SSU72: variants seen among roughly 807,000 people sequenced by gnomAD.
SSU72 encodes SSU72 homolog, RNA polymerase II CTD phosphatase.
Under a neutral mutation model 22.7 loss-of-function variants are expected in SSU72, and 12 were observed. The observed-to-expected ratio is 0.53, with a 90% CI of 0.34 to 0.86. The LOEUF (loss-of-function observed/expected upper bound fraction) is 0.86. SSU72 is among the 40% of genes least tolerant of loss of function. The pLI, the probability that SSU72 is intolerant of heterozygous loss-of-function variation, is 0.02. For synonymous variants in SSU72, 116 were observed against 98.3 expected (o/e 1.18, Z -1.06); for missense variants, 151 against 249.8 (o/e 0.60, Z 2.67).
chr1:1,573,429 C>CAAAAAAAAAAAAAAAAAAAAAAA (rs56930035), intron 1 of SSU72, among the ~76,000 whole-genome samples: 1 of 107,452 alleles, frequency 9.3e-6, no homozygotes. Flanking sequence ...GACTCTGTCT[C>CAAAAAAAAAAAAAAAAAAAAAAA]AAAAAAAAAA....
rs542222222 is a variant in SSU72, at chr1:1,559,183, C to T, written c.224+5590G>A. ...TAGAAATAGTTCCACGCATGCTCAG[C>T]GAAAGAACAAAAGGCTGCATATGAA... is the stretch of plus-strand genomic sequence containing the variant. On this transcript the variant is annotated intron_variant, in intron 2 of 4. Coordinates refer to ENST00000291386, the MANE Select transcript of SSU72 (RefSeq NM_014188.3). 3.0e-4 allele frequency among the ~76,000 whole-genome samples: 46 copies of T among 152,254 alleles called. No homozygotes were observed. In the South Asian group the frequency reaches 6.0e-3, roughly 20 times the overall value.
chr1:1,562,363 G>A (rs749584571), intron 2 of SSU72: 1 of 152,288 alleles, frequency 6.6e-6, no homozygotes, highest in Non-Finnish European at 1.5e-5. Context: ...ATGGCACAGA[G>A]TTTAATGTGA....
At chr1:1,558,357 C>T (rs982230107) in intron 2 of SSU72, among the ~76,000 whole-genome samples, 8 of 152,096 alleles carry the variant, frequency 5.3e-5, no homozygotes, top group Non-Finnish European at 1.0e-4. Flanking sequence ...GACAGAGAGA[C>T]GCCCTGTCTC....
intron 2 of SSU72, among the ~76,000 whole-genome samples, chr1:1,550,072 C>T (rs1433343307): frequency 3.4e-5 from 5 of 147,852 alleles, no homozygotes; most frequent in East Asian, 4.0e-4. Context: ...CAGCCTCCTC[C>T]GGAGGCAGAG....
chr1:1,568,573 T>A (rs1278784608), intron 1 of SSU72, among the ~76,000 whole-genome samples: 1 of 151,602 alleles, frequency 6.6e-6, no homozygotes, highest in Non-Finnish European at 1.5e-5. Flanking sequence ...GCCACTGCAC[T>A]CCCGCCTGGG....
intron 1 of SSU72, among the ~76,000 whole-genome samples, chr1:1,573,118 G>A (rs1028208570): frequency 4.7e-5 from 7 of 148,072 alleles, no homozygotes; most frequent in South Asian, 2.2e-4. Context: ...GTGAAGCTCC[G>A]TCTCTACTAA....
chr1:1,566,055 C>G (rs1426573063), intron 1 of SSU72, among the ~76,000 whole-genome samples: 4 of 151,418 alleles, frequency 2.6e-5, no homozygotes, highest in African/African-American at 9.7e-5. Context: ...CTGGGAGTTT[C>G]AGACTAGCCT....
At chr1:1,567,393 G>A (rs1353596488) in intron 1 of SSU72, among the ~76,000 whole-genome samples, 4 of 152,174 alleles carry the variant, frequency 2.6e-5, no homozygotes, top group Non-Finnish European at 5.9e-5. Context: ...TGGCACAATA[G>A]CAGCGATTCA....
intron 1 of SSU72, among the ~76,000 whole-genome samples, chr1:1,567,334 A>G (rs1319201041): frequency 6.6e-6 from 1 of 152,144 alleles, no homozygotes; most frequent in East Asian, 1.9e-4. Context: ...AGATATTCCG[A>G]GCTACACAAC....
At chr1:1,574,021 C>CA (rs71578327) in intron 1 of SSU72, among the ~76,000 whole-genome samples, 180 of 87,572 alleles carry the variant, frequency 2.1e-3, no homozygotes, top group Middle Eastern at 0.01. Flanking sequence ...GGATCTTTCG[C>CA]AAAAAAAAAA....
At chr1:1,555,593 C>A (rs928159710) in intron 2 of SSU72, among the ~76,000 whole-genome samples, 1 of 152,238 alleles carries the variant, frequency 6.6e-6, no homozygotes, top group Admixed American at 6.5e-5. Context: ...GCAGGTGACA[C>A]CGACACGGCT....
At chr1:1,574,149 C>G (rs557919681) in intron 1 of SSU72, among the ~76,000 whole-genome samples, 18 of 152,114 alleles carry the variant, frequency 1.2e-4, no homozygotes, top group Non-Finnish European at 2.2e-4. Flanking sequence ...GGGAAGGTGG[C>G]CAACGACGCA....
chr1:1,546,862 A>AT (rs796813025), intron 2 of SSU72, among the ~76,000 whole-genome samples: 1 of 90,120 alleles, frequency 1.1e-5, no homozygotes, highest in Non-Finnish European at 1.9e-5. Context: ...AACAACAACA[A>AT]AAAAAAAAAA....
intron 2 of SSU72, among the ~76,000 whole-genome samples, chr1:1,550,582 G>A (rs919043224): frequency 2.0e-5 from 3 of 152,172 alleles, no homozygotes; most frequent in African/African-American, 7.2e-5. Context: ...CTTGAGCCCC[G>A]GGCCCCAGGC....
chr1:1,574,438 C>G (rs747413867), intron 1 of SSU72, 40 bp downstream of exon 1: 1 of 1,563,930 alleles, frequency 6.4e-7, no homozygotes, highest in Admixed American at 1.8e-5. Flanking sequence ...GGGCCGGTCG[C>G]CGGAGCAGAG....
chr1:1,550,014 C>T (rs1478255697), intron 2 of SSU72, among the ~76,000 whole-genome samples: 1 of 147,338 alleles, frequency 6.8e-6, no homozygotes, highest in Non-Finnish European at 1.5e-5. Context: ...GTCTTCTCTA[C>T]TAAAAATACA....
chr1:1,572,543 G>A (rs1287718532), intron 1 of SSU72, among the ~76,000 whole-genome samples: 1 of 149,528 alleles, frequency 6.7e-6, no homozygotes, highest in Admixed American at 6.7e-5. Context: ...TGCAAGCTCC[G>A]CCTCCTGGGT....
intron 1 of SSU72, among the ~76,000 whole-genome samples, chr1:1,568,780 C>G (rs1642692802): frequency 6.7e-6 from 1 of 150,346 alleles, no homozygotes; most frequent in Admixed American, 6.7e-5. Context: ...CAAAACTAGC[C>G]AGGCGTGGTG....
At chr1:1,568,958 G>A (rs1460953388) in intron 1 of SSU72, among the ~76,000 whole-genome samples, 1 of 152,132 alleles carries the variant, frequency 6.6e-6, no homozygotes, top group African/African-American at 2.4e-5. Context: ...GATCACCTGA[G>A]GTCAGGAGGT....
Sources: allele counts gnomAD v4.1 joint callset (sites outside exome capture counted in the v4.1 genomes callset), GRCh38; gene constraint gnomAD v4.1.1; transcripts MANE v1.5; gene names NCBI Gene and HGNC (gene_info 2026-07-23, HGNC 2026-07-21).